The following FHDC1 variants were observed in gnomAD, a reference collection of about 807,000 sequenced individuals.
FHDC1 encodes the protein FH2 domain containing 1.
Under a neutral mutation model 52.6 loss-of-function variants are expected in FHDC1, and 25 were observed. The observed-to-expected ratio is 0.48, with a 90% CI of 0.35 to 0.66. FHDC1 has a LOEUF of 0.66. Ranked by LOEUF, FHDC1 falls within the 30% of genes least tolerant of loss-of-function variation. The pLI, the probability that FHDC1 is intolerant of heterozygous loss-of-function variation, is 0.01. For synonymous variants in FHDC1, 616 were observed against 581.5 expected (o/e 1.06, Z -0.85); for missense variants, 1,459 against 1,452.8 (o/e 1.00, Z -0.07).
intron 3 of FHDC1, among the ~76,000 whole-genome samples, 191 bp from the exon 4 acceptor site, chr4:152,954,026 C>T (rs1385429702): frequency 6.6e-6 from 1 of 152,082 alleles, no homozygotes; most frequent in African/African-American, 2.4e-5. Flanking sequence ...GGTGAAGGGC[C>T]CTTGAGTGGA....
At chr4:152,961,234 C>T (rs2149952029) in intron 6 of FHDC1, among the ~76,000 whole-genome samples, 1 of 16,824 alleles carries the variant, frequency 5.9e-5, no homozygotes, top group East Asian at 0.036. Flanking sequence ...TCTCTCCTCC[C>T]TGTCGTGGCC....
In FHDC1 at chr4:152,976,553, C is replaced by T. The variant is rs1579109680; in HGVS notation, c.3262C>T (p.Arg1088Ter). The change falls in exon 12 of 12, where the codon CGA becomes TGA. Residue 1088 changes from arginine to a stop codon, truncating the protein, a stop_gained. Coordinates refer to ENST00000511601, the MANE Select transcript of FHDC1 (RefSeq NM_001371116.1). LOFTEE classifies it low-confidence loss of function (END_TRUNC). ...AAPKDSSTLR[R>*]ASSARAPKKR... ...TCCCAAGGACAGCAGCACTTTGAGG[C>T]GAGCCAGCAGTGCCCGGGCCCCCAA... 2.5e-6 allele frequency: 4 copies of T among 1,612,758 alleles called. No homozygotes were observed. Among genetic ancestry groups the T allele is most frequent in the Non-Finnish European group, 2.5e-6 (3 of 1,179,690 alleles).
chr4:152,963,293 G>A (rs1740341182), intron 8 of FHDC1, among the ~76,000 whole-genome samples, 163 bp downstream of exon 8: 1 of 152,146 alleles, frequency 6.6e-6, no homozygotes, highest in South Asian at 2.1e-4. Context: ...TTCCTGAGTT[G>A]TACTGCACCC....
At chr4:152,919,004 T>C in the FHDC1 span, among the ~76,000 whole-genome samples, 1 of 152,268 alleles carries the variant, frequency 6.6e-6, no homozygotes. Context: ...TTCTGGCCCA[T>C]AGAAGCCTCT....
chr4:152,927,542 G>A, the FHDC1 span: 34 of 1,425,566 alleles, frequency 2.4e-5, no homozygotes, highest in Non-Finnish European at 3.4e-5. Flanking sequence ...AGAAGAATGG[G>A]AGAAAGTTCG....
chr4:152,942,474 C>A (rs1190795993), intron 1 of FHDC1, among the ~76,000 whole-genome samples: 3 of 152,260 alleles, frequency 2.0e-5, no homozygotes, highest in East Asian at 3.9e-4. Context: ...GTGCAAGATG[C>A]CTTTTTTGAC....
At position 152,976,881 on chromosome 4, in the gene FHDC1, G is replaced by C; in HGVS notation, c.*158G>C. 1 of 920,660 alleles carries C rather than the reference G, an allele frequency of 1.1e-6. No individual in the cohort carries two copies. The highest frequency in any genetic ancestry group is 1.5e-6 in the Non-Finnish European group (1 of 649,918). 57.0% of individuals were successfully genotyped at this position (920,660 alleles called of 1,614,324 possible). ...TGGGATGGCACAGTCCAGGAGGCCT[G>C]TGGACTGCAGCCTGCTGTGCTGAGC... On this transcript the variant is annotated 3_prime_UTR_variant, in exon 12 of 12. Coordinates refer to ENST00000511601, the MANE Select transcript of FHDC1 (RefSeq NM_001371116.1).
the FHDC1 span, among the ~76,000 whole-genome samples, chr4:152,921,818 C>T: frequency 1.6e-4 from 24 of 152,028 alleles, no homozygotes; most frequent in African/African-American, 2.7e-4. Flanking sequence ...CAATAAATTT[C>T]GACACAACAT....
chr4:152,923,392 A>C, the FHDC1 span, among the ~76,000 whole-genome samples: 4 of 152,258 alleles, frequency 2.6e-5, no homozygotes, highest in Non-Finnish European at 5.9e-5. Flanking sequence ...TTCCATGCTC[A>C]TGGGTAGGAA....
intron 1 of FHDC1, among the ~76,000 whole-genome samples, chr4:152,941,452 G>C (rs1457359649): frequency 6.6e-6 from 1 of 152,140 alleles, no homozygotes; most frequent in Non-Finnish European, 1.5e-5. Flanking sequence ...TATGTACCAG[G>C]CATCTTGGTA....
At chr4:152,965,088 C>A in intron 9 of FHDC1, 113 bp downstream of exon 9, 1 of 990,248 alleles carries the variant, frequency 1.0e-6, no homozygotes, top group Non-Finnish European at 1.5e-6. Context: ...TTTCATTGAA[C>A]TTTCAGACTG....
At position 152,976,582 on chromosome 4, in the gene FHDC1, G is replaced by A; in HGVS notation, c.3291G>A (p.Lys1097=). The change falls in exon 12 of 12, where the codon AAG becomes AAA. Residue 1097 remains lysine (K), a synonymous_variant. Coordinates refer to ENST00000511601, the MANE Select transcript of FHDC1 (RefSeq NM_001371116.1). ...CCAGCAGTGCCCGGGCCCCCAAGAA[G>A]CGCCCAGAGTCTGCGGAGGGTCCCA... ...RRASSARAPK[K]RPESAEGPSA... is the part of the protein sequence containing the mutation. 1 of 1,612,584 alleles carries A rather than the reference G, an allele frequency of 6.2e-7. No homozygotes were observed. Among genetic ancestry groups the A allele is most frequent in the Non-Finnish European group, 8.5e-7 (1 of 1,179,568 alleles).
chr4:152,943,029 A>T lies in FHDC1; in HGVS notation c.-29A>T, dbSNP rs1739617474. The stretch of plus-strand genomic sequence containing the variant: ...TTGTGTCTTCTTCTCCAAGGCCAAG[A>T]AATTATCTCCATAGGAGGCAACAGT... On this transcript the variant is annotated 5_prime_UTR_variant, in exon 2 of 12. Transcript: ENST00000511601. 3 of 1,570,972 alleles carry T rather than the reference A, an allele frequency of 1.9e-6. No individual in the cohort carries two copies. Among genetic ancestry groups the T allele is most frequent in the African/African-American group, 1.3e-5 (1 of 74,140 alleles).
the FHDC1 span, chr4:152,927,808 G>C: frequency 2.1e-6 from 3 of 1,438,448 alleles, no homozygotes; most frequent in Non-Finnish European, 2.9e-6. Flanking sequence ...ACCTCAAGAA[G>C]GTTGGAATTT....
intron 1 of FHDC1, among the ~76,000 whole-genome samples, chr4:152,936,941 G>A (rs1173638245): frequency 1.3e-5 from 2 of 152,250 alleles, no homozygotes; most frequent in South Asian, 2.1e-4. Context: ...GACCTAGTGC[G>A]GTGGTGCGGA....
At chr4:152,912,363 C>G in the FHDC1 span, 1 of 152,162 alleles carries the variant, frequency 6.6e-6, no homozygotes, top group Non-Finnish European at 1.5e-5. Context: ...CTCAACACCT[C>G]TGAAGTTGGA....
chr4:152,949,121 T>TAAGAAG (rs1423440219), intron 2 of FHDC1, among the ~76,000 whole-genome samples: 1,689 of 65,236 alleles, frequency 0.026, 12 homozygotes, highest in Non-Finnish European at 0.03. Flanking sequence ...ATAATAATAA[T>TAAGAAG]AATAAGAAGA....
rs779718582 is a variant in FHDC1, at chr4:152,975,029, C to G, written c.1738C>G (p.Arg580Gly). Reference sequence around the variant, plus strand: ...GCCCCGGAGCAGCCCCCGGCAGGCCCGGCCCACGATAGCCTGCCTGGAGCC... The same window carrying G: ...GCCCCGGAGCAGCCCCCGGCAGGCCGGGCCCACGATAGCCTGCCTGGAGCC... ...SLPRSSPRQA[R>G]PTIACLEPAE... is the part of the protein sequence containing the mutation. The change falls in exon 12 of 12, where the codon CGG (arginine) becomes GGG (glycine). Residue 580 changes from arginine (R) to glycine (G), a missense_variant. By Grantham distance (125) the Arg-to-Gly change is moderately radical (BLOSUM62 -2). Coordinates refer to ENST00000511601, the MANE Select transcript of FHDC1 (RefSeq NM_001371116.1). 1.2e-6 allele frequency: 2 copies of G among 1,612,516 alleles called. No homozygotes were observed. Among genetic ancestry groups the G allele is most frequent in the African/African-American group, 2.7e-5 (2 of 74,916 alleles).
chr4:152,930,345 C>T, the FHDC1 span, among the ~76,000 whole-genome samples: 1 of 152,166 alleles, frequency 6.6e-6, no homozygotes, highest in South Asian at 2.1e-4. Flanking sequence ...ATCTCATTTA[C>T]AATTTAATAT....
Sources: gnomAD v4.1 joint callset for allele counts (sites outside exome capture counted in the v4.1 genomes callset) on GRCh38, gnomAD v4.1.1 for gene constraint, MANE v1.5 for transcripts, NCBI Gene and HGNC (gene_info 2026-07-23, HGNC 2026-07-21) for gene names.